Variants in RAB31 observed in about 807,000 individuals in gnomAD.
The protein encoded by RAB31 is RAB31, member RAS oncogene family, also known as ras-related protein Rab-31.
RAB31 carries 21 observed loss-of-function variants against 25.6 expected under a neutral mutation model. The observed-to-expected ratio is 0.82, with a 90% CI of 0.58 to 1.18. The LOEUF (loss-of-function observed/expected upper bound fraction) is 1.18. Among genes scored for constraint, RAB31 ranks in the 50% most tolerant of loss-of-function variants. RAB31 has a pLI of 0.00. For missense variants in RAB31, 196 were observed against 250.1 expected (o/e 0.78, Z 1.46); for synonymous variants, 87 against 84.0 (o/e 1.04, Z -0.20).
At chr18:9,824,171 T>A (rs1428138052) in intron 5 of RAB31, among the ~76,000 whole-genome samples, 1 of 152,120 alleles carries the variant, frequency 6.6e-6, no homozygotes, top group Non-Finnish European at 1.5e-5. Flanking sequence ...CAGGACAGTA[T>A]GTAGATATGT....
intron 3 of RAB31, among the ~76,000 whole-genome samples, chr18:9,803,735 GC>G (rs2068525442): frequency 6.6e-6 from 1 of 152,206 alleles, no homozygotes; most frequent in African/African-American, 2.4e-5. Flanking sequence ...GAAAATTGGT[GC>G]TGGAAACTAC....
At chr18:9,770,074 T>C (rs758648081) in intron 1 of RAB31, among the ~76,000 whole-genome samples, 1 of 152,236 alleles carries the variant, frequency 6.6e-6, no homozygotes. Context: ...TTTGACATGC[T>C]GCTGGATTCA....
In RAB31 at chr18:9,859,144, G is replaced by A. The variant is rs560918930; in HGVS notation, c.491-84G>A. 8.5e-5 allele frequency: 77 copies of A among 907,992 alleles called. 1 individual carries two copies. In the South Asian group the frequency reaches 1.0e-3, roughly 12 times the overall value. 56.2% of individuals were successfully genotyped at this position (907,992 alleles called of 1,614,324 possible). ...TTATTTTGTGCACAGCCCAAAGCAG[G>A]AGTGTTGAAGCAGGGTGAAAATCTG... On this transcript the variant is annotated intron_variant, in intron 6 of 6. Transcript: ENST00000578921.
At chr18:9,738,627 G>A (rs1480868720) in intron 1 of RAB31, among the ~76,000 whole-genome samples, 1 of 152,186 alleles carries the variant, frequency 6.6e-6, no homozygotes, top group Non-Finnish European at 1.5e-5. Context: ...TGCCCTACAA[G>A]TCTCTTCATC....
intron 3 of RAB31, among the ~76,000 whole-genome samples, chr18:9,807,860 C>A (rs1163881459): frequency 6.6e-6 from 1 of 152,070 alleles, no homozygotes; most frequent in Non-Finnish European, 1.5e-5. Context: ...CACCTGTAGT[C>A]CCAGGTACCT....
At chr18:9,850,122 G>A in intron 6 of RAB31, among the ~76,000 whole-genome samples, 1 of 152,180 alleles carries the variant, frequency 6.6e-6, no homozygotes, top group Non-Finnish European at 1.5e-5. Flanking sequence ...AACACTGGAA[G>A]GAGATGGGGA....
chr18:9,770,764 C>T (rs778457616), intron 1 of RAB31, among the ~76,000 whole-genome samples: 2 of 152,002 alleles, frequency 1.3e-5, no homozygotes, highest in Non-Finnish European at 2.9e-5. Flanking sequence ...CGGCTATCTT[C>T]AGAGCCTGTC....
rs140724222 is a variant in RAB31 at position 9,799,341 on chromosome 18, T to A, written c.201+7106T>A. 3.3e-5 allele frequency among the ~76,000 whole-genome samples: 5 copies of A among 152,364 alleles called. No individual in the cohort carries two copies. In the East Asian group the frequency reaches 9.6e-4, roughly 29 times the overall value. ...CAAGTTCTGCCTAACATACACAGCA[T>A]TCTGGTTAATGTCCTACTTACTGCC... On this transcript the variant is annotated intron_variant, in intron 3 of 6. Coordinates refer to ENST00000578921, the MANE Select transcript of RAB31 (RefSeq NM_006868.4).
At chr18:9,824,214 GTA>G (rs1326619079) in intron 5 of RAB31, among the ~76,000 whole-genome samples, 4 of 149,318 alleles carry the variant, frequency 2.7e-5, no homozygotes, top group African/African-American at 4.9e-5. Context: ...AGATGTGTTT[GTA>G]TGTGTGTGTG....
intron 6 of RAB31, among the ~76,000 whole-genome samples, chr18:9,858,838 G>A (rs905810164): frequency 1.3e-5 from 2 of 152,188 alleles, no homozygotes; most frequent in African/African-American, 4.8e-5. Flanking sequence ...TGAAGTCACG[G>A]TACCATGAAA....
At chr18:9,751,623 G>C (rs1464712219) in intron 1 of RAB31, among the ~76,000 whole-genome samples, 1 of 152,154 alleles carries the variant, frequency 6.6e-6, no homozygotes, top group Non-Finnish European at 1.5e-5. Context: ...TTCTTTTGAT[G>C]TATTGCTCTC....
chr18:9,851,849 CAT>C (rs2068790803), intron 6 of RAB31, among the ~76,000 whole-genome samples: 1 of 151,850 alleles, frequency 6.6e-6, no homozygotes, highest in South Asian at 2.1e-4. Context: ...CAATATATCT[CAT>C]ATTTCATAAT....
At chr18:9,759,971 G>A (rs928532320) in intron 1 of RAB31, among the ~76,000 whole-genome samples, 1 of 152,060 alleles carries the variant, frequency 6.6e-6, no homozygotes, top group Non-Finnish European at 1.5e-5. Flanking sequence ...GCACGTTCTC[G>A]GGAAGTGTGA....
chr18:9,770,328 CG>C (rs1253104761), intron 1 of RAB31, among the ~76,000 whole-genome samples: 2 of 152,082 alleles, frequency 1.3e-5, no homozygotes, highest in African/African-American at 4.8e-5. Flanking sequence ...GCTTGAAGGC[CG>C]TTGCAGGAGT....
intron 3 of RAB31, among the ~76,000 whole-genome samples, chr18:9,812,976 C>G (rs1430877775): frequency 6.7e-6 from 1 of 149,814 alleles, no homozygotes; most frequent in African/African-American, 2.5e-5. Flanking sequence ...GGATTACAGG[C>G]GTGAGCCACT....
intron 1 of RAB31, among the ~76,000 whole-genome samples, chr18:9,721,127 A>G (rs376607104): frequency 6.6e-6 from 1 of 152,090 alleles, no homozygotes; most frequent in African/African-American, 2.4e-5. Flanking sequence ...GAGCCTGTCT[A>G]TCCGTCTTAG....
chr18:9,793,457 T>C (rs1420635474), intron 3 of RAB31, among the ~76,000 whole-genome samples: 1 of 152,008 alleles, frequency 6.6e-6, no homozygotes, highest in Non-Finnish European at 1.5e-5. Flanking sequence ...GGTCAGGAAA[T>C]TGAGACCATC....
At chr18:9,726,301 G>A (rs1042364200) in intron 1 of RAB31, 1 of 152,248 alleles carries the variant, frequency 6.6e-6, no homozygotes, top group Admixed American at 6.5e-5. Flanking sequence ...GAGATCAGAG[G>A]TTCCCAGGTC....
chr18:9,794,646 C>T (rs1257869285), intron 3 of RAB31, among the ~76,000 whole-genome samples: 1 of 152,046 alleles, frequency 6.6e-6, no homozygotes, highest in Non-Finnish European at 1.5e-5. Flanking sequence ...AAAACCTTGT[C>T]TCTACTAAAA....
Sources: gnomAD v4.1 joint callset for allele counts (sites outside exome capture counted in the v4.1 genomes callset) on GRCh38, gnomAD v4.1.1 for gene constraint, MANE v1.5 for transcripts, NCBI Gene and HGNC (gene_info 2026-07-23, HGNC 2026-07-21) for gene names.